TTBK1: variants seen among roughly 807,000 people sequenced by gnomAD.
The protein encoded by TTBK1 is tau-tubulin kinase 1.
A neutral mutation model predicts 108.5 loss-of-function variants in TTBK1; 34 were observed. The observed-to-expected ratio is 0.31, with a 90% CI of 0.24 to 0.42. The LOEUF is 0.42. TTBK1 is among the 10% of genes least tolerant of loss of function. The probability of loss-of-function intolerance (pLI) is 1.00; values close to 1 mark genes in which losing one functional copy is unlikely to be tolerated. For synonymous variants in TTBK1, 809 were observed against 795.1 expected (o/e 1.02, Z -0.29); for missense variants, 1,539 against 1,826.0 (o/e 0.84, Z 2.86).
At position 43,259,263 on chromosome 6, in the gene TTBK1, C is replaced by T. The variant is rs745953438; in HGVS notation, c.1242C>T (p.Ile414=). 39 of 1,547,726 alleles carry T rather than the reference C, an allele frequency of 2.5e-5. No homozygotes were observed. The highest frequency in any genetic ancestry group is 3.3e-5 in the Non-Finnish European group (38 of 1,148,314). Reference sequence around the variant, plus strand: ...ACCGGAACAAACTCCGGATCAACATCGGCAAAGTAACTGCCGCCAGGGCGA... The same window carrying T: ...ACCGGAACAAACTCCGGATCAACATTGGCAAAGTAACTGCCGCCAGGGCGA... ...DVNRNKLRIN[I]GKSPCVEEEQ... The change falls in exon 11 of 15, where the codon ATC becomes ATT. Residue 414 remains isoleucine (I), a synonymous_variant. Coordinates refer to ENST00000259750, the MANE Select transcript of TTBK1 (RefSeq NM_032538.3). This position sits in a 1 kb window ranked among gnomAD's most constrained non-coding sequence, Gnocchi z 6.7.
intron 13 of TTBK1, among the ~76,000 whole-genome samples, chr6:43,266,612 A>C (rs1379919133): frequency 2.7e-5 from 4 of 150,878 alleles, no homozygotes; most frequent in Non-Finnish European, 5.9e-5. Context: ...GAGGTCTGTG[A>C]ATTTTTTTTT....
intron 14 of TTBK1, 49 bp from the exon 15 acceptor site, chr6:43,284,933 GT>G: frequency 6.7e-7 from 1 of 1,486,774 alleles, no homozygotes; most frequent in Non-Finnish European, 8.9e-7. Context: ...ATTTCTCCTT[GT>G]TTTGTTTCTT....
Position 43,245,249 on chromosome 6 carries a change from C to T in TTBK1, c.-54-1358C>T, listed in dbSNP as rs578119400. Among the ~76,000 whole-genome samples the T allele has an allele frequency of 3.3e-5, 5 of 152,288 alleles. No individual in the cohort carries two copies. In the South Asian group the frequency reaches 8.3e-4, roughly 25 times the overall value. On this transcript the variant is annotated intron_variant, in intron 1 of 14. Transcript: ENST00000259750. ...CATCTCTTTAGCCACCTTCCTCCCC[C>T]GACCCGCAACCCCCAAACCCCAGCC...
In TTBK1 at chr6:43,282,510, G is replaced by T. The variant is rs974580351; in HGVS notation, c.1987-217G>T. Among the ~76,000 whole-genome samples, 1 of 152,218 alleles carries T rather than the reference G, an allele frequency of 6.6e-6. No individual in the cohort carries two copies. Among genetic ancestry groups the T allele is most frequent in the African/African-American group, 2.4e-5 (1 of 41,452 alleles). On this transcript the variant is annotated intron_variant, in intron 13 of 14. Transcript: ENST00000259750. The surrounding 1 kb of genome is among the most constrained non-coding windows in gnomAD (Gnocchi z 5.4). ...GAGCATGGACAGTCATTCATCAGAG[G>T]TTTCCTGAGCACTCACTAGGCGCCA...
chr6:43,259,497 C>A lies in TTBK1; in HGVS notation c.1249-34C>A. On this transcript the variant is annotated intron_variant, in intron 11 of 14. Coordinates refer to ENST00000259750, the MANE Select transcript of TTBK1 (RefSeq NM_032538.3). The surrounding 1 kb of genome is among the most constrained non-coding windows in gnomAD (Gnocchi z 6.7). ...GACCATCCGCCCACAGCCGCCTCAT[C>A]AGCCCCAGCTCATGGCACTCCCCTC... 1 of 1,525,202 alleles carries A rather than the reference C, an allele frequency of 6.6e-7. No homozygotes were observed. 94.5% of individuals were successfully genotyped at this position (1,525,202 alleles called of 1,614,324 possible). A position where few individuals can be genotyped will look rare whatever the true frequency, so the allele number is the denominator to read the frequency against.
chr6:43,264,034 C>T (rs111284137), intron 13 of TTBK1, among the ~76,000 whole-genome samples: 1,638 of 152,036 alleles, frequency 0.011, 17 homozygotes, highest in Non-Finnish European at 0.016. Flanking sequence ...CAGGGCGTCT[C>T]GTGTCTCGGC....
chr6:43,263,220 A>G lies in TTBK1; in HGVS notation c.1856A>G (p.Gln619Arg), dbSNP rs1479049255. ...TTGCCGCCCCAGCCCCTGCCACCCCAGCTGAGCCAGGGCGATGGCCGTTCC... is the reference window on the plus strand; with the variant it reads ...TTGCCGCCCCAGCCCCTGCCACCCCGGCTGAGCCAGGGCGATGGCCGTTCC... ...QHLPPQPLPPQLSQGDGRSET... is the reference protein window; with the variant it reads ...QHLPPQPLPPRLSQGDGRSET... The change falls in exon 13 of 15, where the codon CAG (glutamine) becomes CGG (arginine). Residue 619 changes from glutamine to arginine, a missense_variant. Gln to Arg is a conservative substitution (Grantham distance 43). Coordinates refer to ENST00000259750, the MANE Select transcript of TTBK1 (RefSeq NM_032538.3). The surrounding 1 kb of genome is among the most constrained non-coding windows in gnomAD (Gnocchi z 4.7). 2 of 1,577,822 alleles carry G rather than the reference A, an allele frequency of 1.3e-6. No individual in the cohort carries two copies. Among genetic ancestry groups the G allele is most frequent in the Non-Finnish European group, 1.7e-6 (2 of 1,161,560 alleles).
intron 2 of TTBK1, among the ~76,000 whole-genome samples, 199 bp downstream of exon 2, chr6:43,246,967 C>A (rs756714018): frequency 6.6e-6 from 1 of 152,182 alleles, no homozygotes; most frequent in Non-Finnish European, 1.5e-5. Flanking sequence ...TCTCTCGAGC[C>A]CCGCCCTCTC....
chr6:43,246,794 A>G, intron 2 of TTBK1, 26 bp downstream of exon 2: 1 of 1,583,320 alleles, frequency 6.3e-7, no homozygotes, highest in South Asian at 1.1e-5. Flanking sequence ...GGCGGGACAG[A>G]GGGAGGGTAG....
intron 13 of TTBK1, among the ~76,000 whole-genome samples, chr6:43,266,928 G>A (rs1777692613): frequency 6.6e-6 from 1 of 152,086 alleles, no homozygotes; most frequent in South Asian, 2.1e-4. Context: ...AGGTCTGTGA[G>A]TTTAACAGAA....
rs576777113 is a variant in TTBK1, at chr6:43,260,748, G to A, written c.1424+1042G>A. The stretch of plus-strand genomic sequence containing the variant: ...AAGAAGCAAACTGGTTTGGCTCACA[G>A]TGAACCCCAGTTGCAGGGATGGTAG... On this transcript the variant is annotated intron_variant, in intron 12 of 14. Coordinates refer to ENST00000259750, the MANE Select transcript of TTBK1 (RefSeq NM_032538.3). Among the ~76,000 whole-genome samples, 4 of 152,316 alleles carry A rather than the reference G, an allele frequency of 2.6e-5. 1 individual carries two copies. The highest frequency in any genetic ancestry group is 7.2e-5 in the African/African-American group (3 of 41,544).
In TTBK1 at chr6:43,265,373, G is replaced by A. The variant is rs1582497872; in HGVS notation, c.1986+2023G>A. Among the ~76,000 whole-genome samples, 1 of 152,214 alleles carries A rather than the reference G, an allele frequency of 6.6e-6. No individual in the cohort carries two copies. Among genetic ancestry groups the A allele is most frequent in the African/African-American group, 2.4e-5 (1 of 41,458 alleles). Reference sequence around the variant, plus strand: ...CTATCTAGAGGTCCCTTCTAGAAGAGAGGACCTCTGAGCTGTGATCCTGGG... The same window carrying A: ...CTATCTAGAGGTCCCTTCTAGAAGAAAGGACCTCTGAGCTGTGATCCTGGG... On this transcript the variant is annotated intron_variant, in intron 13 of 14. Coordinates refer to ENST00000259750, the MANE Select transcript of TTBK1 (RefSeq NM_032538.3). This position sits in a 1 kb window ranked among gnomAD's most constrained non-coding sequence, Gnocchi z 4.1.
chr6:43,263,334 C>A lies in TTBK1; in HGVS notation c.1970C>A (p.Thr657Lys). The A allele has an allele frequency of 1.4e-6, 2 of 1,462,536 alleles. No homozygotes were observed. Among genetic ancestry groups the A allele is most frequent in the Non-Finnish European group, 1.8e-6 (2 of 1,103,732 alleles). 90.6% of individuals were successfully genotyped at this position (1,462,536 alleles called of 1,614,324 possible). The change falls in exon 13 of 15, where the codon ACA becomes AAA. Residue 657 changes from threonine to lysine, a missense_variant. This residue lies in a region of TTBK1 where 1,055 missense variants were observed against 1,086.5 expected (regional missense o/e 0.97). Coordinates refer to ENST00000259750, the MANE Select transcript of TTBK1 (RefSeq NM_032538.3). This position sits in a 1 kb window ranked among gnomAD's most constrained non-coding sequence, Gnocchi z 4.7. ...CCTCGACGGAGAGAGTCGGACCCCA[C>A]AGGCCCACAGAGACAGGTAAGGTTG... is the stretch of plus-strand genomic sequence containing the variant. Reference protein sequence around the residue: ...PRPRRRESDPTGPQRQVFSVA... With the variant: ...PRPRRRESDPKGPQRQVFSVA...
At position 43,259,210 on chromosome 6, in the gene TTBK1, G is replaced by A. The variant is rs758847821; in HGVS notation, c.1189G>A (p.Ala397Thr). ...TGTCCCCCACCCCGGGGGTCCTGAG[G>A]CTGAAGTCTGGGAGGAGACAGATGT... Reference protein sequence around the residue: ...HLVPHPGGPEAEVWEETDVNR... With the variant: ...HLVPHPGGPETEVWEETDVNR... Residue 397 changes from alanine to threonine, a missense_variant, in exon 11 of 15, where the codon GCT (alanine) becomes ACT (threonine). Ala to Thr is a moderately conservative substitution (Grantham distance 58). Coordinates refer to ENST00000259750, the MANE Select transcript of TTBK1 (RefSeq NM_032538.3). The surrounding 1 kb of genome is among the most constrained non-coding windows in gnomAD (Gnocchi z 6.7). 2 of 1,597,038 alleles carry A rather than the reference G, an allele frequency of 1.3e-6. No homozygotes were observed. Among genetic ancestry groups the A allele is most frequent in the Non-Finnish European group, 1.7e-6 (2 of 1,173,060 alleles).
chr6:43,256,940 C>T (rs1050523351), intron 9 of TTBK1, among the ~76,000 whole-genome samples: 1 of 152,146 alleles, frequency 6.6e-6, no homozygotes. Context: ...GCGTCCATCA[C>T]CACACCCCAT....
chr6:43,284,037 C>T lies in TTBK1; in HGVS notation c.3297C>T (p.Gly1099=), dbSNP rs1164199988. Residue 1099 remains glycine (G), a synonymous_variant, in exon 14 of 15, where the codon GGC becomes GGT. Coordinates refer to ENST00000259750, the MANE Select transcript of TTBK1 (RefSeq NM_032538.3). ...GGCTGGTGATGGAGAAGAGGCAGGG[C>T]CGCCTGCTGTTGCGGCTGGCCTCAG... ...LARLVMEKRQ[G]RLLLRLASGA... is the part of the protein sequence containing the mutation. The T allele has an allele frequency of 3.2e-6, 5 of 1,556,222 alleles. No individual in the cohort carries two copies. The Admixed American group carries it at 7.5e-5, about 23-fold the overall frequency.
In TTBK1 at chr6:43,263,125, G is replaced by C; in HGVS notation, c.1761G>C (p.Leu587=). The change falls in exon 13 of 15, where the codon CTG becomes CTC. Residue 587 remains leucine (L), a synonymous_variant. Coordinates refer to ENST00000259750, the MANE Select transcript of TTBK1 (RefSeq NM_032538.3). This position sits in a 1 kb window ranked among gnomAD's most constrained non-coding sequence, Gnocchi z 4.7. The part of the protein sequence containing the change: ...LPEEGEERRR[L]GAEPTVRPRG... ...AGGAGGGCGAAGAGCGGCGGCGGCT[G>C]GGGGCAGAGCCCACCGTCCGGCCCC... The C allele has an allele frequency of 6.4e-7, 1 of 1,568,760 alleles. No individual in the cohort carries two copies. Among genetic ancestry groups the C allele is most frequent in the Non-Finnish European group, 8.6e-7 (1 of 1,156,082 alleles).
intron 13 of TTBK1, among the ~76,000 whole-genome samples, chr6:43,264,690 G>C (rs1311088554): frequency 1.3e-5 from 2 of 152,192 alleles, no homozygotes; most frequent in Non-Finnish European, 1.5e-5. Flanking sequence ...CTCGAAATCA[G>C]GGCAGGAGAG....
intron 13 of TTBK1, among the ~76,000 whole-genome samples, chr6:43,275,775 C>G (rs1257060047): frequency 6.6e-6 from 1 of 151,990 alleles, no homozygotes; most frequent in Non-Finnish European, 1.5e-5. Flanking sequence ...CAAACATGCC[C>G]CCCCATTTCC....
Sources: gnomAD v4.1 joint callset for allele counts (sites outside exome capture counted in the v4.1 genomes callset) on GRCh38, gnomAD v4.1.1 for gene constraint, gnomAD v4.1.1 regional missense constraint, Gnocchi (gnomAD v3.1) non-coding constraint, MANE v1.5 for transcripts, NCBI Gene and HGNC (gene_info 2026-07-23, HGNC 2026-07-21) for gene names.